Variants in ANKEF1 observed in about 807,000 individuals in gnomAD.
ANKEF1 encodes the protein ankyrin repeat and EF-hand domain-containing protein 1.
Under a neutral mutation model 65.1 loss-of-function variants are expected in ANKEF1, and 43 were observed. The observed-to-expected ratio is 0.66, with a 90% CI of 0.52 to 0.85. ANKEF1 has a LOEUF of 0.85. Ranked by LOEUF, ANKEF1 falls within the 40% of genes least tolerant of loss-of-function variation. The pLI is 0.00. For missense variants in ANKEF1, 934 were observed against 952.9 expected (o/e 0.98, Z 0.26); for synonymous variants, 316 against 341.5 (o/e 0.93, Z 0.82).
At chr20:10,043,012 G>A in intron 3 of ANKEF1, 110 bp from the exon 4 acceptor site, 1 of 1,042,418 alleles carries the variant, frequency 9.6e-7, no homozygotes, top group South Asian at 1.7e-5. Flanking sequence ...AGGAAACTGA[G>A]GCAGATATGC....
chr20:10,049,964 C>T lies in ANKEF1; in HGVS notation c.1395C>T (p.Ser465=), dbSNP rs1198172849. 6.2e-7 allele frequency: 1 copy of T among 1,614,160 alleles called. No homozygotes were observed. Among genetic ancestry groups the T allele is most frequent in the Non-Finnish European group, 8.5e-7 (1 of 1,180,004 alleles). The part of the protein sequence containing the change: ...MIETYKNVTD[S]SRFNRDHPPE... ...AGACCTACAAGAATGTCACTGATAG[C>T]AGCCGGTTTAATAGAGATCATCCCC... is the stretch of plus-strand genomic sequence containing the variant. Residue 465 remains serine, a synonymous_variant, in exon 7 of 11, where the codon AGC becomes AGT. Coordinates refer to ENST00000378392, the MANE Select transcript of ANKEF1 (RefSeq NM_022096.6).
intron 8 of ANKEF1, among the ~76,000 whole-genome samples, chr20:10,052,908 G>T (rs1984946868): frequency 6.6e-6 from 1 of 151,872 alleles, no homozygotes; most frequent in Non-Finnish European, 1.5e-5. Flanking sequence ...TATTTAGATG[G>T]CACTATAAAT....
chr20:10,045,450 T>G, intron 5 of ANKEF1, 124 bp from the exon 6 acceptor site: 1 of 966,160 alleles, frequency 1.0e-6, no homozygotes, highest in Non-Finnish European at 1.5e-6. Flanking sequence ...CATTTCAATT[T>G]GAATTTTCAA....
Position 10,044,542 on chromosome 20 carries a change from A to T in ANKEF1, c.695A>T (p.Asp232Val). ...TTTGCTGCTAAAGGAGGCTTTTTCG[A>T]TGTAATAATCTATTCTTTGCTTTAA... Reference protein sequence around the residue: ...AHFAAKGGFFDILKLLFAYNG... With the variant: ...AHFAAKGGFFVILKLLFAYNG... The change falls in exon 5 of 11, where the codon GAT becomes GTT. Residue 232 changes from aspartate (D) to valine (V), a missense_variant and splice_region_variant. By Grantham distance (152) the Asp-to-Val change is radical (BLOSUM62 -3). Transcript: ENST00000378392. 1 of 1,613,906 alleles carries T rather than the reference A, an allele frequency of 6.2e-7. No homozygotes were observed.
At chr20:10,041,374 A>G (rs1305975097) in intron 3 of ANKEF1, among the ~76,000 whole-genome samples, 1 of 151,930 alleles carries the variant, frequency 6.6e-6, no homozygotes, top group Non-Finnish European at 1.5e-5. Flanking sequence ...TTAGCATCTT[A>G]AACAGTATTC....
rs371082023 is a variant in ANKEF1, at chr20:10,055,538, A to C, written c.2209A>C (p.Arg737=). Residue 737 remains arginine, a synonymous_variant, in exon 11 of 11, where the codon AGG becomes CGG. Coordinates refer to ENST00000378392, the MANE Select transcript of ANKEF1 (RefSeq NM_022096.6). ...TGAAGCCACAACAGCAGAGCTGATC[A>C]GGAAGAGGGAACTACGGCGAGAGAG... ...SPEATTAELI[R]KRELRRERFT... 10 of 1,613,668 alleles carry C rather than the reference A, an allele frequency of 6.2e-6. No individual in the cohort carries two copies. Among genetic ancestry groups the C allele is most frequent in the African/African-American group, 1.3e-5 (1 of 74,886 alleles).
Position 10,056,567 on chromosome 20 carries a change from A to G in ANKEF1, c.*907A>G, listed in dbSNP as rs1985182485. The G allele has an allele frequency of 6.6e-6, 1 of 151,820 alleles. No homozygotes were observed. Among genetic ancestry groups the G allele is most frequent in the African/African-American group, 2.4e-5 (1 of 41,334 alleles). 9.4% of individuals were successfully genotyped at this position (151,820 alleles called of 1,614,324 possible). A position where few individuals can be genotyped will look rare whatever the true frequency, so the allele number is the denominator to read the frequency against. ...TTATTGCAAATAATTGGTTTACATA[A>G]TTTTGGGCCCCAGATGGTTAAGTGC... On this transcript the variant is annotated 3_prime_UTR_variant, in exon 11 of 11. Transcript: ENST00000378392.
chr20:10,049,590 C>A lies in ANKEF1; in HGVS notation c.1021C>A (p.Arg341=). The change falls in exon 7 of 11, where the codon CGG becomes AGG. Residue 341 remains arginine (R), a synonymous_variant. Coordinates refer to ENST00000378392, the MANE Select transcript of ANKEF1 (RefSeq NM_022096.6). ...DWSVEREAFL[R]EAFAVLDRGD... is the part of the protein sequence containing the mutation. Reference sequence around the variant, plus strand: ...GTCCGTAGAACGTGAGGCTTTCCTCCGGGAAGCCTTTGCGGTTTTAGACAG... The same window carrying A: ...GTCCGTAGAACGTGAGGCTTTCCTCAGGGAAGCCTTTGCGGTTTTAGACAG... 1 of 1,614,070 alleles carries A rather than the reference C, an allele frequency of 6.2e-7. No homozygotes were observed. Among genetic ancestry groups the A allele is most frequent in the Non-Finnish European group, 8.5e-7 (1 of 1,180,004 alleles).
rs1985200700 is a variant in ANKEF1, at chr20:10,056,790, T to A, written c.*1130T>A. On this transcript the variant is annotated 3_prime_UTR_variant, in exon 11 of 11. Coordinates refer to ENST00000378392, the MANE Select transcript of ANKEF1 (RefSeq NM_022096.6). ...TTACGATTGTGAAAATTTCAACTGT[T>A]GTTAAAGCGACTGATGGGATCAGTT... 1 of 152,178 alleles carries A rather than the reference T, an allele frequency of 6.6e-6. No individual in the cohort carries two copies. Among genetic ancestry groups the A allele is most frequent in the Non-Finnish European group, 1.5e-5 (1 of 68,032 alleles). The allele number at this position is 152,178 out of a possible 1,614,324, so 9.4% of individuals were successfully genotyped here.
intron 9 of ANKEF1, among the ~76,000 whole-genome samples, chr20:10,053,982 A>G (rs1985009850): frequency 1.3e-5 from 2 of 152,216 alleles, no homozygotes; most frequent in African/African-American, 4.8e-5. Flanking sequence ...GGAGCAGAAT[A>G]TCTACTGGAG....
intron 3 of ANKEF1, among the ~76,000 whole-genome samples, chr20:10,038,998 T>C (rs989986380): frequency 1.3e-5 from 2 of 152,180 alleles, no homozygotes; most frequent in Admixed American, 1.3e-4. Context: ...TTCTTATTCT[T>C]TTTTACATTT....
At chr20:10,054,247 C>T (rs1221146953) in intron 9 of ANKEF1, among the ~76,000 whole-genome samples, 1 of 152,132 alleles carries the variant, frequency 6.6e-6, no homozygotes, top group Admixed American at 6.6e-5. Flanking sequence ...CTTACGTGAT[C>T]TTCTACCAAT....
chr20:10,049,937 T>C lies in ANKEF1; in HGVS notation c.1368T>C (p.Ile456=). 6.2e-7 allele frequency: 1 copy of C among 1,614,206 alleles called. No homozygotes were observed. Among genetic ancestry groups the C allele is most frequent in the Non-Finnish European group, 8.5e-7 (1 of 1,180,020 alleles). ...ATGGTGGGCCACCGTATTACATGAT[T>C]GAGACCTACAAGAATGTCACTGATA... is the stretch of plus-strand genomic sequence containing the variant. ...RQDGGPPYYM[I]ETYKNVTDSS... The change falls in exon 7 of 11, where the codon ATT becomes ATC. Residue 456 remains isoleucine (I), a synonymous_variant. Transcript: ENST00000378392.
chr20:10,038,367 C>G lies in ANKEF1; in HGVS notation c.66C>G (p.Asn22Lys). The change falls in exon 3 of 11, where the codon AAC (asparagine) becomes AAG (lysine). Residue 22 changes from asparagine to lysine, a missense_variant. By Grantham distance (94) the Asn-to-Lys change is moderately conservative. Transcript: ENST00000378392. Reference sequence around the variant, plus strand: ...ACAAAGTTCTTCAATGTGTGCGGAACAAAGACAAGAAGCAGATAGAGAAGC... The same window carrying G: ...ACAAAGTTCTTCAATGTGTGCGGAAGAAAGACAAGAAGCAGATAGAGAAGC... ...QIYKVLQCVRNKDKKQIEKLT... is the reference protein window; with the variant it reads ...QIYKVLQCVRKKDKKQIEKLT... 6.2e-7 allele frequency: 1 copy of G among 1,613,234 alleles called. No individual in the cohort carries two copies. The highest frequency in any genetic ancestry group is 8.5e-7 in the Non-Finnish European group (1 of 1,179,374).
Position 10,048,567 on chromosome 20 carries a change from A to G in ANKEF1, c.821-823A>G, listed in dbSNP as rs150437829. On this transcript the variant is annotated intron_variant, in intron 6 of 10. Coordinates refer to ENST00000378392, the MANE Select transcript of ANKEF1 (RefSeq NM_022096.6). ...AATTTTTGGCAATACTAAGGAAAGT[A>G]TTAATCTTGAAAAACATGGTCTGAC... is the stretch of plus-strand genomic sequence containing the variant. 7.9e-4 allele frequency among the ~76,000 whole-genome samples: 120 copies of G among 152,300 alleles called. 1 individual carries two copies. The highest frequency in any genetic ancestry group is 2.2e-3 in the Admixed American group (34 of 15,300).
At chr20:10,054,649 A>AT (rs1359070039) in intron 10 of ANKEF1, 50 bp downstream of exon 10, 7 of 1,548,880 alleles carry the variant, frequency 4.5e-6, no homozygotes, top group African/African-American at 2.8e-5. Flanking sequence ...TCATAATGTC[A>AT]TTTTTTCAAA....
At chr20:10,041,153 TA>T (rs1984165197) in intron 3 of ANKEF1, among the ~76,000 whole-genome samples, 1 of 152,102 alleles carries the variant, frequency 6.6e-6, no homozygotes, top group South Asian at 2.1e-4. Flanking sequence ...AGGCAAAATA[TA>T]TCTAATATAT....
intron 7 of ANKEF1, 72 bp from the exon 8 acceptor site, chr20:10,051,591 T>A: frequency 8.3e-7 from 1 of 1,199,098 alleles, no homozygotes; most frequent in Non-Finnish European, 1.2e-6. Flanking sequence ...CTATGAAATC[T>A]TACTTTGCAT....
Position 10,056,238 on chromosome 20 carries a change from G to A in ANKEF1, c.*578G>A, listed in dbSNP as rs1428844892. On this transcript the variant is annotated 3_prime_UTR_variant, in exon 11 of 11. Coordinates refer to ENST00000378392, the MANE Select transcript of ANKEF1 (RefSeq NM_022096.6). Reference sequence around the variant, plus strand: ...TCTCACATGCCATTATAAACTATGTGTATTAGATACCTTGGGTTGAATACA... The same window carrying A: ...TCTCACATGCCATTATAAACTATGTATATTAGATACCTTGGGTTGAATACA... The A allele has an allele frequency of 1.3e-5, 2 of 153,130 alleles. No homozygotes were observed. The highest frequency in any genetic ancestry group is 2.0e-4 in the South Asian group (1 of 4,892). The allele number at this position is 153,130 out of a possible 1,614,324, so 9.5% of individuals were successfully genotyped here.
Sources: allele counts gnomAD v4.1 joint callset (sites outside exome capture counted in the v4.1 genomes callset), GRCh38; gene constraint gnomAD v4.1.1; transcripts MANE v1.5; gene names NCBI Gene and HGNC (gene_info 2026-07-23, HGNC 2026-07-21).